Variants in GSE1 observed in about 807,000 individuals in gnomAD.
GSE1 encodes genetic suppressor element 1.
In GSE1, 32 loss-of-function variants were observed where a neutral mutation model predicts 112.6. The observed-to-expected ratio is 0.28, with a 90% CI of 0.21 to 0.38. The LOEUF is 0.38. Among genes scored for constraint, GSE1 ranks in the 10% least tolerant of loss-of-function variants. The pLI, the probability that GSE1 is intolerant of heterozygous loss-of-function variation, is 1.00. For missense variants in GSE1, 2,348 were observed against 1,699.2 expected, an observed-to-expected ratio of 1.38 and a Z score of -6.71; for synonymous variants, 1,115 against 735.6, an observed-to-expected ratio of 1.52 and a Z score of -8.35.
At chr16:85,467,285 C>G (rs1279726130) in intron 2 of GSE1, among the ~76,000 whole-genome samples, 5 of 152,236 alleles carry the variant, frequency 3.3e-5, no homozygotes, top group African/African-American at 4.8e-5. Context: ...CACTTGGCCT[C>G]TCTGTGCCTC....
At chr16:85,285,093 C>T (rs2044979104) in intron 1 of GSE1, 1 of 152,196 alleles carries the variant, frequency 6.6e-6, no homozygotes. Context: ...GAGATACTTA[C>T]TAATTTCAAA....
At chr16:85,489,063 A>C (rs1213976864) in intron 2 of GSE1, among the ~76,000 whole-genome samples, 2 of 152,200 alleles carry the variant, frequency 1.3e-5, no homozygotes, top group Non-Finnish European at 2.9e-5. Flanking sequence ...CCTTTCTGTC[A>C]TGCTGGGAAG....
intron 12 of GSE1, 143 bp downstream of exon 12, chr16:85,665,271 A>C (rs1210599796): frequency 1.6e-6 from 1 of 610,646 alleles, no homozygotes; most frequent in East Asian, 2.8e-5. Flanking sequence ...CCAGCGTACG[A>C]TTCTTGCACA....
intron 1 of GSE1, among the ~76,000 whole-genome samples, chr16:85,196,318 C>G (rs1208055253): frequency 1.3e-5 from 2 of 152,080 alleles, no homozygotes; most frequent in Non-Finnish European, 2.9e-5. Flanking sequence ...GAACTTTGTT[C>G]CAAGTTCCAA....
At chr16:85,304,155 G>T (rs2045601384) in intron 1 of GSE1, among the ~76,000 whole-genome samples, 2 of 152,212 alleles carry the variant, frequency 1.3e-5, no homozygotes, top group Non-Finnish European at 2.9e-5. Context: ...GCATCCCATT[G>T]CCAGGGAATA....
chr16:85,516,677 C>A (rs1404377882), intron 2 of GSE1, among the ~76,000 whole-genome samples: 2 of 150,622 alleles, frequency 1.3e-5, no homozygotes, highest in Admixed American at 1.3e-4. Flanking sequence ...GGGCTGGATT[C>A]TTTCTAAGGC....
chr16:85,425,529 A>G (rs1405854194), intron 2 of GSE1, among the ~76,000 whole-genome samples: 1 of 152,164 alleles, frequency 6.6e-6, no homozygotes, highest in African/African-American at 2.4e-5. Flanking sequence ...GTCTCCTCCT[A>G]GCGGGATTTG....
intron 2 of GSE1, among the ~76,000 whole-genome samples, chr16:85,548,853 G>A (rs575357392): frequency 1.3e-5 from 2 of 152,134 alleles, no homozygotes; most frequent in East Asian, 1.9e-4. Context: ...GCAGTGGCTC[G>A]ATCTCGGCTC....
intron 1 of GSE1, among the ~76,000 whole-genome samples, chr16:85,572,457 CACACACA>C (rs1037064043): frequency 7.1e-4 from 77 of 108,884 alleles, no homozygotes; most frequent in Non-Finnish European, 7.0e-4. Context: ...GCACATACCA[CACACACA>C]ACACACATCA....
intron 2 of GSE1, among the ~76,000 whole-genome samples, chr16:85,498,283 A>G (rs543229168): frequency 6.6e-6 from 1 of 152,166 alleles, no homozygotes; most frequent in Admixed American, 6.5e-5. Flanking sequence ...ACACACATGC[A>G]TAGATGGCTA....
intron 2 of GSE1, among the ~76,000 whole-genome samples, chr16:85,516,124 G>A (rs1357452583): frequency 6.6e-6 from 1 of 152,172 alleles, no homozygotes; most frequent in African/African-American, 2.4e-5. Flanking sequence ...AGCTAAGTCT[G>A]TGGTCCCTGC....
At chr16:85,627,162 G>T (rs992417482) in intron 1 of GSE1, among the ~76,000 whole-genome samples, 2 of 121,540 alleles carry the variant, frequency 1.6e-5, no homozygotes, top group Non-Finnish European at 3.3e-5. Flanking sequence ...GCTTTGTTAC[G>T]GGGGGCGGGG....
At chr16:85,635,105 G>A (rs2049878145) in intron 2 of GSE1, among the ~76,000 whole-genome samples, 1 of 152,222 alleles carries the variant, frequency 6.6e-6, no homozygotes, top group African/African-American at 2.4e-5. Flanking sequence ...GTTCCAGCTT[G>A]GCAGAGGGGA....
chr16:85,467,412 T>A (rs764423701), intron 2 of GSE1, among the ~76,000 whole-genome samples: 3 of 152,210 alleles, frequency 2.0e-5, no homozygotes, highest in Non-Finnish European at 4.4e-5. Flanking sequence ...ACACAAATTT[T>A]GTTTGCTGGT....
chr16:85,312,132 C>T (rs1451391000), intron 1 of GSE1, among the ~76,000 whole-genome samples: 2 of 149,890 alleles, frequency 1.3e-5, no homozygotes, highest in African/African-American at 2.5e-5. Flanking sequence ...CCTCGCCCAC[C>T]GCTTCCATCC....
rs990092391 is a variant in GSE1 at position 85,673,682 on chromosome 16, C to T, written c.*1143C>T. The T allele has an allele frequency of 6.6e-6, 1 of 152,310 alleles. No individual in the cohort carries two copies. Among genetic ancestry groups the T allele is most frequent in the Non-Finnish European group, 1.5e-5 (1 of 68,078 alleles). 9.4% of individuals were successfully genotyped at this position (152,310 alleles called of 1,614,324 possible). The stretch of plus-strand genomic sequence containing the variant: ...CGCTACTGCTTACCTCCTCCACTCC[C>T]CCTGCCTGCCCCCAGCATCTGGACA... On this transcript the variant is annotated 3_prime_UTR_variant, in exon 16 of 16. Coordinates refer to ENST00000253458, the MANE Select transcript of GSE1 (RefSeq NM_014615.5).
chr16:85,610,537 C>T (rs909888903), upstream of GSE1, among the ~76,000 whole-genome samples: 26 of 152,372 alleles, frequency 1.7e-4, no homozygotes, highest in African/African-American at 5.8e-4. Context: ...AATTCCCACC[C>T]TTAAACTCGG....
At chr16:85,252,647 G>T (rs1276202447) in intron 1 of GSE1, among the ~76,000 whole-genome samples, 1 of 152,236 alleles carries the variant, frequency 6.6e-6, no homozygotes, top group Non-Finnish European at 1.5e-5. Flanking sequence ...CCCAGCTGTG[G>T]CTTCAGGGGA....
intron 2 of GSE1, among the ~76,000 whole-genome samples, chr16:85,417,628 G>A (rs1230044852): frequency 6.6e-6 from 1 of 152,238 alleles, no homozygotes; most frequent in African/African-American, 2.4e-5. Context: ...CGCTTTGGCT[G>A]CCAGATGTCC....
Sources: allele counts gnomAD v4.1 joint callset (sites outside exome capture counted in the v4.1 genomes callset), GRCh38; gene constraint gnomAD v4.1.1; transcripts MANE v1.5; gene names NCBI Gene and HGNC (gene_info 2026-07-23, HGNC 2026-07-21).